Variants in CACNA2D3 observed in about 807,000 individuals in gnomAD.
The protein encoded by CACNA2D3 is calcium voltage-gated channel auxiliary subunit alpha2delta 3.
Under a neutral mutation model 160.6 loss-of-function variants are expected in CACNA2D3, and 60 were observed. The ratio of observed to expected loss-of-function variants is 0.37; its 90% CI spans 0.30 to 0.46. CACNA2D3 has a LOEUF of 0.46. CACNA2D3 is among the 20% of genes least tolerant of loss of function. CACNA2D3 has a pLI of 1.00. For missense variants in CACNA2D3, 1,205 were observed against 1,365.0 expected (o/e 0.88, Z 1.85); for synonymous variants, 558 against 492.9 (o/e 1.13, Z -1.75).
intron 11 of CACNA2D3, among the ~76,000 whole-genome samples, chr3:54,751,438 A>G (rs1701854843): frequency 6.6e-6 from 1 of 151,274 alleles, no homozygotes; most frequent in Non-Finnish European, 1.5e-5. Flanking sequence ...CATTTTTATA[A>G]TCCACTGTAA....
At chr3:54,494,609 A>G (rs1314323277) in intron 4 of CACNA2D3, among the ~76,000 whole-genome samples, 1 of 152,174 alleles carries the variant, frequency 6.6e-6, no homozygotes, top group East Asian at 1.9e-4. Context: ...AAAGGTAGAT[A>G]ATATGTGAAG....
chr3:54,892,605 T>A (rs1217494963), intron 25 of CACNA2D3, among the ~76,000 whole-genome samples: 11 of 152,168 alleles, frequency 7.2e-5, no homozygotes, highest in African/African-American at 9.7e-5. Flanking sequence ...ACGACTTTTT[T>A]AAGCGTTTTT....
chr3:55,029,240 G>C (rs1177766952), intron 35 of CACNA2D3, among the ~76,000 whole-genome samples: 1 of 152,096 alleles, frequency 6.6e-6, no homozygotes, highest in African/African-American at 2.4e-5. Flanking sequence ...ACTGAACTAT[G>C]GTCTGGGCTA....
intron 9 of CACNA2D3, among the ~76,000 whole-genome samples, chr3:54,604,266 A>G (rs1425212337): frequency 6.6e-6 from 1 of 152,158 alleles, no homozygotes; most frequent in Non-Finnish European, 1.5e-5. Flanking sequence ...ATGGGGAGCA[A>G]GAGTGATGAA....
intron 13 of CACNA2D3, among the ~76,000 whole-genome samples, chr3:54,803,609 G>C (rs985564627): frequency 2.6e-5 from 4 of 152,156 alleles, no homozygotes; most frequent in Admixed American, 1.3e-4. Context: ...GTGGAGAATG[G>C]AACCAAGTTG....
At chr3:54,744,084 C>T (rs1425672837) in intron 11 of CACNA2D3, among the ~76,000 whole-genome samples, 2 of 152,186 alleles carry the variant, frequency 1.3e-5, no homozygotes, top group Non-Finnish European at 2.9e-5. Flanking sequence ...TATTCTGTCT[C>T]AGGGCTCCTG....
intron 4 of CACNA2D3, among the ~76,000 whole-genome samples, chr3:54,493,060 CTTTTTTTTTTTTTTTT>C (rs34225864): frequency 2.6e-4 from 15 of 58,796 alleles, no homozygotes; most frequent in African/African-American, 3.8e-4. Flanking sequence ...TTGCTCAAAA[CTTTTTTTTTTTTTTTT>C]TTTTTTTTTT....
intron 2 of CACNA2D3, among the ~76,000 whole-genome samples, chr3:54,238,915 C>T (rs978995613): frequency 6.6e-6 from 1 of 152,152 alleles, no homozygotes; most frequent in Admixed American, 6.5e-5. Context: ...CTAATAAACT[C>T]GTTTGAGGTC....
At chr3:54,222,239 G>T (rs187526188) in intron 2 of CACNA2D3, among the ~76,000 whole-genome samples, 3 of 152,340 alleles carry the variant, frequency 2.0e-5, no homozygotes, top group Non-Finnish European at 4.4e-5. Context: ...AGCTGATGGT[G>T]TAGTTCCAGT....
At chr3:54,216,712 G>A (rs1265577970) in intron 2 of CACNA2D3, among the ~76,000 whole-genome samples, 1 of 152,252 alleles carries the variant, frequency 6.6e-6, no homozygotes, top group Non-Finnish European at 1.5e-5. Context: ...ACACCCAGGA[G>A]TAATGCATTA....
At chr3:54,935,258 C>T (rs1701300286) in intron 27 of CACNA2D3, among the ~76,000 whole-genome samples, 1 of 152,062 alleles carries the variant, frequency 6.6e-6, no homozygotes. Context: ...GTTAATCCTC[C>T]CTATACTGTC....
intron 2 of CACNA2D3, among the ~76,000 whole-genome samples, chr3:54,283,143 G>T (rs1022056576): frequency 2.0e-5 from 3 of 152,184 alleles, no homozygotes; most frequent in African/African-American, 7.2e-5. Flanking sequence ...ACAAATTGCA[G>T]AATTTTAGTG....
At chr3:54,856,131 G>A (rs1405667088) in intron 17 of CACNA2D3, among the ~76,000 whole-genome samples, 1 of 152,156 alleles carries the variant, frequency 6.6e-6, no homozygotes, top group African/African-American at 2.4e-5. Context: ...TCCAGGGCCT[G>A]GTGAGGTACT....
intron 2 of CACNA2D3, among the ~76,000 whole-genome samples, chr3:54,261,060 A>G (rs146434125): frequency 6.6e-6 from 1 of 152,302 alleles, no homozygotes; most frequent in East Asian, 1.9e-4. Flanking sequence ...TTTGACACCT[A>G]TGTCCTGGCG....
At chr3:54,513,122 A>G (rs547705887) in intron 5 of CACNA2D3, among the ~76,000 whole-genome samples, 16 of 152,334 alleles carry the variant, frequency 1.1e-4, no homozygotes, top group Admixed American at 1.0e-3. Context: ...GCGGGGACAC[A>G]GCCAAACCAT....
chr3:54,979,397 C>G lies in CACNA2D3; in HGVS notation c.2557-5211C>G, dbSNP rs140115828. 7.6e-3 allele frequency among the ~76,000 whole-genome samples: 1,155 copies of G among 152,326 alleles called. 23 individuals carry two copies. Among genetic ancestry groups the G allele is most frequent in the Admixed American group, 7.3e-3 (111 of 15,300 alleles). The stretch of plus-strand genomic sequence containing the variant: ...TATTACAATAGAAAAGAGATTCTTA[C>G]TGCATTTATGCAAATAACTATATTG... On this transcript the variant is annotated intron_variant, in intron 29 of 37. Transcript: ENST00000474759.
At chr3:55,007,487 A>G (rs1173824534) in intron 32 of CACNA2D3, among the ~76,000 whole-genome samples, 1 of 152,206 alleles carries the variant, frequency 6.6e-6, no homozygotes, top group East Asian at 1.9e-4. Flanking sequence ...TAGCCCCTAG[A>G]GGGTAAAGGT....
At position 54,522,933 on chromosome 3, in the gene CACNA2D3, T is replaced by TTTATTTATTTACTTAC. The variant is rs1252705201; in HGVS notation, c.544+19282_544+19283insTTTATTTACTTACTTA. 2.3e-3 allele frequency among the ~76,000 whole-genome samples: 309 copies of TTTATTTATTTACTTAC among 135,416 alleles called. 3 individuals carry two copies. The highest frequency in any genetic ancestry group is 7.6e-3 in the African/African-American group (271 of 35,530). The allele number at this position is 135,416 out of a possible 152,430, so 88.8% of individuals were successfully genotyped here. On this transcript the variant is annotated intron_variant, in intron 5 of 37. Transcript: ENST00000474759. ...ATTTATTTATTTATTTATTTATTTA[T>TTTATTTATTTACTTAC]TTACTTACTTACTTACTTACTTACT...
At chr3:54,213,272 ATAGTT>A (rs1408453101) in intron 2 of CACNA2D3, among the ~76,000 whole-genome samples, 2 of 152,138 alleles carry the variant, frequency 1.3e-5, no homozygotes, top group Non-Finnish European at 2.9e-5. Flanking sequence ...TGTTAATGGG[ATAGTT>A]TAAATAGAAA....
Sources: gnomAD v4.1 joint callset for allele counts (sites outside exome capture counted in the v4.1 genomes callset) on GRCh38, gnomAD v4.1.1 for gene constraint, MANE v1.5 for transcripts, NCBI Gene and HGNC (gene_info 2026-07-23, HGNC 2026-07-21) for gene names.